Variants in RIPOR3 observed in about 807,000 individuals in gnomAD.
RIPOR3 encodes the protein family with sequence similarity 65 member C.
Under a neutral mutation model 114.3 loss-of-function variants are expected in RIPOR3, and 95 were observed. The ratio of observed to expected loss-of-function variants is 0.83; its 90% CI spans 0.70 to 0.99. RIPOR3 has a LOEUF of 0.99. Ranked by LOEUF, RIPOR3 falls within the 50% of genes least tolerant of loss-of-function variation. RIPOR3 has a pLI of 0.00. For synonymous variants in RIPOR3, 575 were observed against 543.8 expected, an observed-to-expected ratio of 1.06 and a Z score of -0.80; for missense variants, 1,252 against 1,266.9, an observed-to-expected ratio of 0.99 and a Z score of 0.18.
At chr20:50,664,445 T>C (rs1220908191) in intron 1 of RIPOR3, among the ~76,000 whole-genome samples, 1 of 152,154 alleles carries the variant, frequency 6.6e-6, no homozygotes, top group African/African-American at 2.4e-5. Context: ...CTCGAGTCTA[T>C]TTCTTTTCCA....
intron 1 of RIPOR3, among the ~76,000 whole-genome samples, chr20:50,681,310 G>T (rs866683321): frequency 8.4e-5 from 12 of 142,268 alleles, no homozygotes; most frequent in African/African-American, 2.8e-4. Flanking sequence ...TTCTGGAAAA[G>T]ATAGCTCTTT....
At chr20:50,638,912 G>A (rs186190656) in intron 1 of RIPOR3, among the ~76,000 whole-genome samples, 6 of 152,252 alleles carry the variant, frequency 3.9e-5, no homozygotes, top group Admixed American at 1.3e-4. Context: ...CCTGGTGGTG[G>A]CTATTCCAGG....
chr20:50,682,167 A>G (rs2086881100), intron 1 of RIPOR3, among the ~76,000 whole-genome samples: 1 of 152,240 alleles, frequency 6.6e-6, no homozygotes, highest in Non-Finnish European at 1.5e-5. Flanking sequence ...AGCAAACAAA[A>G]CTGACAAATG....
chr20:50,587,984 A>T (rs1300073114), intron 20 of RIPOR3, 92 bp from the exon 21 acceptor site: 21 of 1,224,680 alleles, frequency 1.7e-5, no homozygotes, highest in Admixed American at 4.4e-5. Flanking sequence ...CAGTCCTAGC[A>T]TGGTCTCTGG....
intron 2 of RIPOR3, 146 bp from the exon 3 acceptor site, chr20:50,620,278 G>T (rs560853806): frequency 3.2e-6 from 3 of 941,482 alleles, no homozygotes; most frequent in Admixed American, 5.6e-5. Flanking sequence ...ACCAAGCAGT[G>T]TGGTTTCCAG....
chr20:50,659,298 A>G (rs1051658671), intron 1 of RIPOR3, among the ~76,000 whole-genome samples: 3 of 152,042 alleles, frequency 2.0e-5, no homozygotes, highest in Non-Finnish European at 4.4e-5. Context: ...CGAAGTCTGA[A>G]TTTCTCCTCC....
chr20:50,629,108 G>A (rs2084729050), intron 2 of RIPOR3, among the ~76,000 whole-genome samples: 1 of 152,200 alleles, frequency 6.6e-6, no homozygotes, highest in African/African-American at 2.4e-5. Flanking sequence ...ATGTGCTGAG[G>A]CCCTGAGGCC....
intron 12 of RIPOR3, among the ~76,000 whole-genome samples, chr20:50,603,016 CCT>C (rs2083563784): frequency 6.6e-6 from 1 of 152,220 alleles, no homozygotes; most frequent in South Asian, 2.1e-4. Flanking sequence ...ATAGGTGTCA[CCT>C]CTCCTGAGAA....
At chr20:50,666,762 T>C (rs988037240) in intron 1 of RIPOR3, among the ~76,000 whole-genome samples, 4 of 152,020 alleles carry the variant, frequency 2.6e-5, no homozygotes, top group Admixed American at 2.6e-4. Flanking sequence ...GGTTTCACCA[T>C]GTTGGCCAGG....
chr20:50,590,758 TG>T (rs533409680), intron 19 of RIPOR3, among the ~76,000 whole-genome samples: 1 of 151,902 alleles, frequency 6.6e-6, no homozygotes, highest in Admixed American at 6.6e-5. Flanking sequence ...GTCACTGGGT[TG>T]GCCCCCACCT....
At position 50,677,367 on chromosome 20, in the gene RIPOR3, C is replaced by CTT. The variant is rs34725648; in HGVS notation, c.3+13757_3+13758dup. On this transcript the variant is annotated intron_variant, in intron 1 of 21. Coordinates refer to ENST00000327979, the MANE Select transcript of RIPOR3 (RefSeq NM_001290268.2). ...TTATTATTATTATTTTCTTGTTTTA[C>CTT]TTTTTTTTTTTTTTTTTTTTTTAGA... 8.9e-4 allele frequency among the ~76,000 whole-genome samples: 86 copies of CTT among 96,776 alleles called. 1 individual carries two copies. The highest frequency in any genetic ancestry group is 3.1e-3 in the African/African-American group (84 of 26,716). 63.5% of individuals were successfully genotyped at this position (96,776 alleles called of 152,430 possible).
At chr20:50,587,424 G>A in intron 21 of RIPOR3, 92 bp from the exon 22 acceptor site, 5 of 1,011,686 alleles carry the variant, frequency 4.9e-6, no homozygotes, top group Non-Finnish European at 7.7e-6. Flanking sequence ...CTTAGTGACT[G>A]TGGGTCTCAG....
At chr20:50,594,868 G>A (rs1320334467) in intron 16 of RIPOR3, 154 bp from the exon 17 acceptor site, 8 of 816,856 alleles carry the variant, frequency 9.8e-6, no homozygotes, top group Non-Finnish European at 1.5e-5. Flanking sequence ...CATGTGACAC[G>A]TGAGCAACTT....
intron 19 of RIPOR3, among the ~76,000 whole-genome samples, chr20:50,591,920 C>A (rs564246334): frequency 7.0e-4 from 106 of 152,296 alleles, no homozygotes; most frequent in African/African-American, 2.4e-3. Flanking sequence ...CATGGTGAAA[C>A]CCTGTATCTA....
chr20:50,689,261 T>C (rs1436191330), intron 1 of RIPOR3, among the ~76,000 whole-genome samples: 6 of 145,774 alleles, frequency 4.1e-5, no homozygotes, highest in Non-Finnish European at 9.0e-5. Flanking sequence ...ACTGCACCTC[T>C]CCCTCCCCAG....
Position 50,587,827 on chromosome 20 carries a change from T to G in RIPOR3, c.2727A>C (p.Ala909=), listed in dbSNP as rs1379910238. ...CGAACGACAGTGTGGTTTCCCGGGC[T>G]GCCGCCCGCACGGCCTCCAGGTCAG... The part of the protein sequence containing the change: ...CQSDLEAVRA[A]ARETTLSFGE... The change falls in exon 21 of 22, where the codon GCA becomes GCC. Residue 909 remains alanine (A), a synonymous_variant. Coordinates refer to ENST00000327979, the MANE Select transcript of RIPOR3 (RefSeq NM_001290268.2). 1.7e-5 allele frequency: 28 copies of G among 1,614,090 alleles called. No homozygotes were observed. The highest frequency in any genetic ancestry group is 2.4e-5 in the Non-Finnish European group (28 of 1,180,050).
chr20:50,635,023 A>C (rs959565106), intron 1 of RIPOR3, among the ~76,000 whole-genome samples: 7 of 152,180 alleles, frequency 4.6e-5, no homozygotes, highest in Non-Finnish European at 8.8e-5. Context: ...ACAGAGCTAG[A>C]CTCCATCTCA....
intron 11 of RIPOR3, among the ~76,000 whole-genome samples, chr20:50,605,469 T>C (rs566147040): frequency 9.2e-5 from 14 of 152,138 alleles, no homozygotes; most frequent in African/African-American, 3.4e-4. Flanking sequence ...CTGTACTTAA[T>C]GGATTTAAGA....
At chr20:50,626,309 C>T (rs551861290) in intron 2 of RIPOR3, among the ~76,000 whole-genome samples, 25 of 152,234 alleles carry the variant, frequency 1.6e-4, no homozygotes, top group South Asian at 6.2e-4. Flanking sequence ...CAGGGACCTC[C>T]GAACCAGCCC....
Sources: gnomAD v4.1 joint callset for allele counts (sites outside exome capture counted in the v4.1 genomes callset) on GRCh38, gnomAD v4.1.1 for gene constraint, MANE v1.5 for transcripts, NCBI Gene and HGNC (gene_info 2026-07-23, HGNC 2026-07-21) for gene names.